Variants in SLC13A3 observed in about 807,000 individuals in gnomAD.
The protein encoded by SLC13A3 is Na(+)/dicarboxylate cotransporter 3.
Under a neutral mutation model 59.0 loss-of-function variants are expected in SLC13A3, and 40 were observed. That is an observed-to-expected ratio of 0.68 (90% CI 0.53 to 0.88). The LOEUF (loss-of-function observed/expected upper bound fraction) is 0.88, where lower values mean the gene tolerates loss of function less well. Ranked by LOEUF, SLC13A3 falls within the 40% of genes least tolerant of loss-of-function variation. The pLI is 0.00. For missense variants in SLC13A3, 699 were observed against 783.2 expected, an observed-to-expected ratio of 0.89 and a Z score of 1.28; for synonymous variants, 317 against 330.3, an observed-to-expected ratio of 0.96 and a Z score of 0.44.
At chr20:46,600,685 C>A (rs2062371526) in intron 3 of SLC13A3, 1 of 390,874 alleles carries the variant, frequency 2.6e-6, no homozygotes, top group Non-Finnish European at 5.6e-6. Context: ...TTCATTCATC[C>A]AAAAAGTATT....
chr20:46,580,182 G>C (rs150847014), intron 9 of SLC13A3, among the ~76,000 whole-genome samples: 2 of 152,010 alleles, frequency 1.3e-5, no homozygotes, highest in Non-Finnish European at 2.9e-5. Flanking sequence ...TCTTAGACTC[G>C]TGACCTCAGG....
At chr20:46,678,543 C>T (rs540596844) in intron 1 of SLC13A3, among the ~76,000 whole-genome samples, 31 of 152,198 alleles carry the variant, frequency 2.0e-4, no homozygotes, top group Non-Finnish European at 3.5e-4. Context: ...TCAGGGGTGG[C>T]CTCATGGCCT....
In SLC13A3 at chr20:46,621,660, A is replaced by G. The variant is rs148915957; in HGVS notation, c.112-7935T>C. On this transcript the variant is annotated intron_variant, in intron 1 of 12. Coordinates refer to ENST00000279027, the MANE Select transcript of SLC13A3 (RefSeq NM_022829.6). The stretch of plus-strand genomic sequence containing the variant: ...TGAGTACATTCTGCACGGACAGAAT[A>G]ACTGGCAGCTGAGTCAGCTGCTAGG... Among the ~76,000 whole-genome samples, 458 of 152,368 alleles carry G rather than the reference A, an allele frequency of 3.0e-3. 2 individuals are homozygous for G. The highest frequency in any genetic ancestry group is 0.01 in the Admixed American group (156 of 15,306).
intron 11 of SLC13A3, among the ~76,000 whole-genome samples, chr20:46,566,009 G>C (rs1270454123): frequency 1.3e-5 from 2 of 152,236 alleles, no homozygotes; most frequent in Non-Finnish European, 2.9e-5. Context: ...TCCCAGAAGA[G>C]AGAATTGGGA....
chr20:46,604,186 C>T (rs1016854953), intron 3 of SLC13A3, among the ~76,000 whole-genome samples: 2 of 152,064 alleles, frequency 1.3e-5, no homozygotes, highest in Non-Finnish European at 2.9e-5. Flanking sequence ...ATCCCAACAT[C>T]CCCCTCTCTT....
chr20:46,660,651 C>A (rs958474971), intron 1 of SLC13A3, among the ~76,000 whole-genome samples: 3 of 152,080 alleles, frequency 2.0e-5, no homozygotes, highest in African/African-American at 7.2e-5. Context: ...GTTTGCTGAG[C>A]TGCTTGGATC....
intron 3 of SLC13A3, among the ~76,000 whole-genome samples, chr20:46,610,055 T>C (rs1420339114): frequency 6.6e-6 from 1 of 152,262 alleles, no homozygotes; most frequent in Non-Finnish European, 1.5e-5. Flanking sequence ...TCCTTATTTC[T>C]GCCTGTCTCA....
chr20:46,592,236 C>CATAT (rs1180291347), intron 6 of SLC13A3, among the ~76,000 whole-genome samples, 168 bp downstream of exon 6: 1 of 151,920 alleles, frequency 6.6e-6, no homozygotes, highest in Non-Finnish European at 1.5e-5. Context: ...TACATACATA[C>CATAT]ATACATACAT....
rs145333804 is a variant in SLC13A3 at position 46,666,515 on chromosome 20, T to C, written c.-31+3528A>G. On this transcript the variant is annotated intron_variant, in intron 1 of 12. Coordinates refer to the SLC13A3 transcript ENST00000290317. ...GTTGTTGTTGTTGTTGTTGTTGTTG[T>C]TGCTTTGAGACAGGGTCTCACTCTG... Among the ~76,000 whole-genome samples, 600 of 146,696 alleles carry C rather than the reference T, an allele frequency of 4.1e-3. 4 individuals are homozygous for C. The highest frequency in any genetic ancestry group is 0.013 in the African/African-American group (516 of 39,904).
chr20:46,674,045 C>G (rs1568966742), upstream of SLC13A3, among the ~76,000 whole-genome samples: 1 of 152,156 alleles, frequency 6.6e-6, no homozygotes, highest in Non-Finnish European at 1.5e-5. Context: ...TCACGTGGAA[C>G]TTAGTGCTAT....
chr20:46,614,354 C>G (rs1021078775), intron 1 of SLC13A3, among the ~76,000 whole-genome samples: 20 of 152,222 alleles, frequency 1.3e-4, no homozygotes, highest in Admixed American at 1.1e-3. Flanking sequence ...TCCTGGCCAT[C>G]ATTGGTTGAG....
chr20:46,595,764 C>T (rs572863673), intron 5 of SLC13A3, among the ~76,000 whole-genome samples: 1 of 152,296 alleles, frequency 6.6e-6, no homozygotes, highest in East Asian at 1.9e-4. Flanking sequence ...CCACTGTCGG[C>T]AATGCCTTTC....
intron 9 of SLC13A3, 138 bp downstream of exon 9, chr20:46,583,434 G>A: frequency 6.9e-7 from 1 of 1,448,914 alleles, no homozygotes; most frequent in South Asian, 1.5e-5. Flanking sequence ...CCCAGACAAG[G>A]CAATGGCTCA....
chr20:46,607,211 TA>T (rs915046161), intron 3 of SLC13A3, among the ~76,000 whole-genome samples: 1 of 152,156 alleles, frequency 6.6e-6, no homozygotes, highest in East Asian at 1.9e-4. Flanking sequence ...CTAATGAGTA[TA>T]AAAAAATTAG....
At chr20:46,653,673 G>T (rs1415457749), upstream of SLC13A3, among the ~76,000 whole-genome samples, 1 of 152,116 alleles carries the variant, frequency 6.6e-6, no homozygotes, top group Non-Finnish European at 1.5e-5. Flanking sequence ...CTATAAATTT[G>T]ATTAATCTGG....
At chr20:46,587,117 T>G (rs2062201372) in intron 8 of SLC13A3, among the ~76,000 whole-genome samples, 1 of 152,242 alleles carries the variant, frequency 6.6e-6, no homozygotes, top group Admixed American at 6.5e-5. Context: ...GATGATGTTA[T>G]AGCTCCTAAC....
upstream of SLC13A3, among the ~76,000 whole-genome samples, chr20:46,652,171 G>A (rs993418936): frequency 2.0e-5 from 3 of 152,094 alleles, no homozygotes; most frequent in Non-Finnish European, 4.4e-5. Flanking sequence ...GAAATAATCT[G>A]TGCAACAAAT....
chr20:46,615,869 A>G, intron 1 of SLC13A3, among the ~76,000 whole-genome samples: 1 of 152,210 alleles, frequency 6.6e-6, no homozygotes, highest in East Asian at 1.9e-4. Flanking sequence ...AGCACATCCT[A>G]TTTTCCTATT....
intron 4 of SLC13A3, among the ~76,000 whole-genome samples, chr20:46,598,089 T>C (rs543904323): frequency 1.9e-4 from 29 of 152,160 alleles, no homozygotes; most frequent in Non-Finnish European, 3.5e-4. Flanking sequence ...GTGTAACAAA[T>C]CAATTTTTTT....
Sources: gnomAD v4.1 joint callset for allele counts (sites outside exome capture counted in the v4.1 genomes callset) on GRCh38, gnomAD v4.1.1 for gene constraint, MANE v1.5 for transcripts, NCBI Gene and HGNC (gene_info 2026-07-23, HGNC 2026-07-21) for gene names.